GPC6: variants seen among roughly 807,000 people sequenced by gnomAD.
GPC6 encodes the protein glypican 6.
GPC6 carries 14 observed loss-of-function variants against 55.2 expected under a neutral mutation model. The ratio of observed to expected loss-of-function variants is 0.25; its 90% CI spans 0.17 to 0.40. The LOEUF (loss-of-function observed/expected upper bound fraction) is 0.40. GPC6 is among the 10% of genes least tolerant of loss of function. The pLI is 1.00. For synonymous variants in GPC6, 278 were observed against 259.6 expected (o/e 1.07, Z -0.68); for missense variants, 641 against 708.5 (o/e 0.90, Z 1.08).
At chr13:93,488,892 T>G (rs1879839939) in intron 1 of GPC6, among the ~76,000 whole-genome samples, 2 of 152,192 alleles carry the variant, frequency 1.3e-5, no homozygotes, top group South Asian at 4.1e-4. Context: ...ATGAGTAGAT[T>G]GCAAAAATTT....
chr13:94,217,324 T>C (rs973652070), intron 4 of GPC6, among the ~76,000 whole-genome samples: 1 of 152,236 alleles, frequency 6.6e-6, no homozygotes, highest in Non-Finnish European at 1.5e-5. Context: ...TCAAAACTTA[T>C]ACCTCTTTCT....
chr13:93,881,636 G>A, intron 3 of GPC6, among the ~76,000 whole-genome samples: 1 of 151,998 alleles, frequency 6.6e-6, no homozygotes, highest in South Asian at 2.1e-4. Context: ...GCTAGGAAAT[G>A]TATGAGTGTT....
intron 1 of GPC6, among the ~76,000 whole-genome samples, chr13:93,515,127 C>G (rs915870939): frequency 6.6e-6 from 1 of 152,138 alleles, no homozygotes; most frequent in South Asian, 2.1e-4. Flanking sequence ...TCTTTGCTCT[C>G]ACTCTCGCTT....
chr13:94,237,720 A>T (rs1271281993), intron 4 of GPC6, among the ~76,000 whole-genome samples: 1 of 152,146 alleles, frequency 6.6e-6, no homozygotes, highest in East Asian at 1.9e-4. Context: ...GAGATTGTGA[A>T]TAAAAAAACG....
At chr13:94,273,284 G>C (rs928193260) in intron 4 of GPC6, among the ~76,000 whole-genome samples, 3 of 152,136 alleles carry the variant, frequency 2.0e-5, no homozygotes, top group Non-Finnish European at 4.4e-5. Flanking sequence ...TCTCCATGCT[G>C]TCTCTCTGGG....
intron 1 of GPC6, among the ~76,000 whole-genome samples, chr13:93,532,597 A>G (rs535099548): frequency 5.3e-4 from 81 of 152,224 alleles, no homozygotes; most frequent in African/African-American, 1.9e-3. Context: ...GCTTTCTAAG[A>G]CTGCTTTGCC....
chr13:93,987,034 T>A (rs886197505), intron 3 of GPC6, among the ~76,000 whole-genome samples: 3 of 152,130 alleles, frequency 2.0e-5, no homozygotes, highest in African/African-American at 7.2e-5. Context: ...CATGATGACA[T>A]TTTTACTTTA....
At chr13:93,773,902 T>G (rs1052077221) in intron 2 of GPC6, among the ~76,000 whole-genome samples, 1 of 152,180 alleles carries the variant, frequency 6.6e-6, no homozygotes, top group Non-Finnish European at 1.5e-5. Context: ...GGGAGAGATT[T>G]TATAGCAGTA....
At chr13:94,226,357 TG>T (rs2139007547) in intron 4 of GPC6, among the ~76,000 whole-genome samples, 1 of 152,266 alleles carries the variant, frequency 6.6e-6, no homozygotes, top group East Asian at 1.9e-4. Context: ...CCTGGTGCTC[TG>T]CTGCACATTA....
At chr13:94,234,138 A>G (rs973153862) in intron 4 of GPC6, among the ~76,000 whole-genome samples, 3 of 152,162 alleles carry the variant, frequency 2.0e-5, no homozygotes, top group African/African-American at 4.8e-5. Context: ...GCTGGGAGAC[A>G]GAAGAGACAT....
At chr13:93,567,086 G>A (rs548085760) in intron 2 of GPC6, among the ~76,000 whole-genome samples, 2 of 152,244 alleles carry the variant, frequency 1.3e-5, no homozygotes, top group Non-Finnish European at 1.5e-5. Flanking sequence ...ACCCAGTAAT[G>A]GGATCACTGG....
At chr13:93,861,968 A>G (rs892925892) in intron 3 of GPC6, among the ~76,000 whole-genome samples, 1 of 151,700 alleles carries the variant, frequency 6.6e-6, no homozygotes, top group Admixed American at 6.6e-5. Context: ...AGCTGCTGCT[A>G]GGATTTCATG....
intron 2 of GPC6, among the ~76,000 whole-genome samples, chr13:93,604,715 C>T (rs910200198): frequency 7.9e-5 from 12 of 152,120 alleles, no homozygotes; most frequent in South Asian, 2.1e-4. Flanking sequence ...AAGAGTTATA[C>T]GCAAATGTGG....
intron 6 of GPC6, among the ~76,000 whole-genome samples, chr13:94,307,327 T>C (rs1006069550): frequency 3.3e-5 from 5 of 152,182 alleles, no homozygotes; most frequent in Non-Finnish European, 7.3e-5. Context: ...TATTCTTTTT[T>C]TTTTCCCTTG....
intron 6 of GPC6, among the ~76,000 whole-genome samples, chr13:94,337,079 GA>G (rs1273713881): frequency 1.3e-5 from 2 of 152,178 alleles, no homozygotes; most frequent in African/African-American, 4.8e-5. Flanking sequence ...ACCCTGTTCA[GA>G]GACAAATCTG....
chr13:94,320,176 G>A lies in GPC6; in HGVS notation c.1152+14053G>A, dbSNP rs183935022. Among the ~76,000 whole-genome samples the A allele has an allele frequency of 1.6e-3, 245 of 152,198 alleles. 5 individuals carry two copies. Among genetic ancestry groups the A allele is most frequent in the Non-Finnish European group, 1.2e-4 (8 of 68,000 alleles). ...ATTATTTTATTTGGCATTAAACCCA[G>A]CCACTTAGTTTTTAACGTCAATGAT... On this transcript the variant is annotated intron_variant, in intron 6 of 8. Coordinates refer to ENST00000377047, the MANE Select transcript of GPC6 (RefSeq NM_005708.5).
At chr13:93,960,241 C>T (rs566413200) in intron 3 of GPC6, among the ~76,000 whole-genome samples, 1 of 152,252 alleles carries the variant, frequency 6.6e-6, no homozygotes, top group East Asian at 1.9e-4. Context: ...GGATGAAATA[C>T]AAACCAAAAC....
At chr13:94,174,433 C>T (rs893381893) in intron 4 of GPC6, among the ~76,000 whole-genome samples, 2 of 151,976 alleles carry the variant, frequency 1.3e-5, no homozygotes, top group Non-Finnish European at 2.9e-5. Flanking sequence ...TTAATGTAGG[C>T]CCAAGGGTTA....
chr13:93,594,637 A>G (rs1877645902), intron 2 of GPC6, among the ~76,000 whole-genome samples: 1 of 152,058 alleles, frequency 6.6e-6, no homozygotes, highest in Non-Finnish European at 1.5e-5. Flanking sequence ...TCAATGTCTC[A>G]GTTATTTCAG....
Sources: allele counts gnomAD v4.1 joint callset (sites outside exome capture counted in the v4.1 genomes callset), GRCh38; gene constraint gnomAD v4.1.1; transcripts MANE v1.5; gene names NCBI Gene and HGNC (gene_info 2026-07-23, HGNC 2026-07-21).